Variants in PTPRT observed in about 807,000 individuals in gnomAD.
The protein encoded by PTPRT is protein tyrosine phosphatase receptor type T.
A neutral mutation model predicts 176.8 loss-of-function variants in PTPRT; 56 were observed. The observed-to-expected ratio is 0.32, with a 90% confidence interval of 0.26 to 0.40. PTPRT has a LOEUF of 0.40. PTPRT is among the 10% of genes least tolerant of loss of function. The pLI is 1.00. For missense variants in PTPRT, 1,540 were observed against 1,908.2 expected (o/e 0.81, Z 3.60); for synonymous variants, 783 against 739.0 (o/e 1.06, Z -0.96).
intron 9 of PTPRT, among the ~76,000 whole-genome samples, chr20:42,389,845 A>C (rs2145665773): frequency 1.9e-5 from 2 of 107,948 alleles, no homozygotes; most frequent in Middle Eastern, 4.3e-3. Flanking sequence ...ACAGAGCAAA[A>C]CCCTGTCAAA....
chr20:42,515,480 T>TAAAAACAAAAAACA (rs1405579452), intron 7 of PTPRT, among the ~76,000 whole-genome samples: 1 of 152,120 alleles, frequency 6.6e-6, no homozygotes, highest in Admixed American at 6.6e-5. Flanking sequence ...AAGACTCCAT[T>TAAAAACAAAAAACA]AAAAACAAAA....
intron 18 of PTPRT, among the ~76,000 whole-genome samples, chr20:42,130,870 T>TAA (rs1988092322): frequency 6.6e-6 from 1 of 152,164 alleles, no homozygotes; most frequent in Non-Finnish European, 1.5e-5. Context: ...GGATTCATGG[T>TAA]AGGTAAGAGA....
chr20:42,701,116 T>C (rs982271611), intron 6 of PTPRT, among the ~76,000 whole-genome samples: 2 of 152,120 alleles, frequency 1.3e-5, no homozygotes, highest in Admixed American at 6.5e-5. Flanking sequence ...AATCTTTCGG[T>C]GTATTTTAAA....
chr20:42,964,813 G>A (rs1982202483), intron 1 of PTPRT, among the ~76,000 whole-genome samples: 1 of 152,038 alleles, frequency 6.6e-6, no homozygotes, highest in African/African-American at 2.4e-5. Flanking sequence ...GCTAAAGTTT[G>A]AACAAAACAA....
intron 1 of PTPRT, among the ~76,000 whole-genome samples, chr20:42,938,804 G>A (rs1198786169): frequency 6.6e-6 from 1 of 152,224 alleles, no homozygotes; most frequent in East Asian, 1.9e-4. Context: ...AATAGTTCCT[G>A]TGTCTTAAGA....
chr20:42,932,038 G>A lies in PTPRT; in HGVS notation c.89-46106C>T, dbSNP rs187716286. Among the ~76,000 whole-genome samples, 23 of 152,306 alleles carry A rather than the reference G, an allele frequency of 1.5e-4. 1 individual carries two copies. Among genetic ancestry groups the A allele is most frequent in the African/African-American group, 3.8e-4 (16 of 41,568 alleles). ...TCCTTGTCCCATGAATGCCACACAC[G>A]GGCCTGGCTTGGGCGTGAGTCCTGC... On this transcript the variant is annotated intron_variant, in intron 1 of 30. Transcript: ENST00000373187.
chr20:42,566,822 C>T (rs1360468963), intron 7 of PTPRT, among the ~76,000 whole-genome samples: 1 of 152,174 alleles, frequency 6.6e-6, no homozygotes, highest in Non-Finnish European at 1.5e-5. Context: ...TAAACCTCAA[C>T]AAAATCTGGT....
intron 17 of PTPRT, among the ~76,000 whole-genome samples, chr20:42,144,366 T>C (rs543902208): frequency 6.6e-4 from 101 of 152,022 alleles, no homozygotes; most frequent in African/African-American, 2.1e-3. Flanking sequence ...ATAACAAAAA[T>C]GGCAGCCACG....
At chr20:43,003,400 G>C (rs906530850) in intron 1 of PTPRT, among the ~76,000 whole-genome samples, 1 of 151,874 alleles carries the variant, frequency 6.6e-6, no homozygotes, top group East Asian at 1.9e-4. Flanking sequence ...GAGGGTCTCC[G>C]TGTGTTCCCC....
chr20:42,949,463 G>A (rs1003469754), intron 1 of PTPRT, among the ~76,000 whole-genome samples: 1 of 152,188 alleles, frequency 6.6e-6, no homozygotes. Context: ...CTCAGCCCTG[G>A]TGCTAGTCAT....
At chr20:42,995,066 G>A (rs571193926) in intron 1 of PTPRT, among the ~76,000 whole-genome samples, 2 of 152,334 alleles carry the variant, frequency 1.3e-5, no homozygotes, top group South Asian at 2.1e-4. Flanking sequence ...CTTATAAAAG[G>A]TGAGGCCTAC....
intron 7 of PTPRT, among the ~76,000 whole-genome samples, chr20:42,642,589 C>A (rs62203849): frequency 0.032 from 4,870 of 152,216 alleles, 125 homozygotes; most frequent in Middle Eastern, 0.079. Flanking sequence ...ATCCTCATAA[C>A]AGCCTCCGGA....
intron 7 of PTPRT, among the ~76,000 whole-genome samples, chr20:42,650,964 G>A (rs62203852): frequency 0.16 from 24,814 of 151,838 alleles, 2,410 homozygotes; most frequent in East Asian, 0.3. Flanking sequence ...TTTCTCTGGC[G>A]AAGCTCTCCA....
chr20:42,333,478 C>T (rs1027810041), intron 11 of PTPRT, among the ~76,000 whole-genome samples: 1 of 151,898 alleles, frequency 6.6e-6, no homozygotes, highest in African/African-American at 2.4e-5. Context: ...ACTACAGGCA[C>T]AGGTGCCACC....
At chr20:42,202,031 G>A (rs1991474637) in intron 15 of PTPRT, among the ~76,000 whole-genome samples, 1 of 151,720 alleles carries the variant, frequency 6.6e-6, no homozygotes. Context: ...GTGCAGTGGT[G>A]CGATTTCAGC....
chr20:42,930,409 G>C (rs899960969), intron 1 of PTPRT, among the ~76,000 whole-genome samples: 1 of 152,156 alleles, frequency 6.6e-6, no homozygotes, highest in Non-Finnish European at 1.5e-5. Context: ...ATGGTACCAA[G>C]CAAGTTCCCT....
At chr20:42,232,288 A>G (rs985717481) in intron 15 of PTPRT, among the ~76,000 whole-genome samples, 2 of 152,196 alleles carry the variant, frequency 1.3e-5, no homozygotes, top group Non-Finnish European at 2.9e-5. Context: ...GGCCCCTGAT[A>G]CCTATGAGGA....
chr20:42,355,299 T>C (rs1325563291), intron 9 of PTPRT, among the ~76,000 whole-genome samples: 1 of 152,190 alleles, frequency 6.6e-6, no homozygotes, highest in Non-Finnish European at 1.5e-5. Flanking sequence ...AACACAGTGA[T>C]GATTGGCTAC....
At chr20:42,395,484 T>A (rs190819721) in intron 9 of PTPRT, among the ~76,000 whole-genome samples, 1 of 152,276 alleles carries the variant, frequency 6.6e-6, no homozygotes, top group Admixed American at 6.5e-5. Context: ...TCCCTTTAGT[T>A]CTAATATTTC....
Sources: gnomAD v4.1 joint callset for allele counts (sites outside exome capture counted in the v4.1 genomes callset) on GRCh38, gnomAD v4.1.1 for gene constraint, MANE v1.5 for transcripts, NCBI Gene and HGNC (gene_info 2026-07-23, HGNC 2026-07-21) for gene names.